The following NUP210 variants were observed in gnomAD, a reference collection of about 807,000 sequenced individuals.
NUP210 encodes nucleoporin 210.
In NUP210, 151 loss-of-function variants were observed where a neutral mutation model predicts 196.0. The ratio of observed to expected loss-of-function variants is 0.77; its 90% CI spans 0.67 to 0.88. NUP210 has a LOEUF of 0.88. Among genes scored for constraint, NUP210 ranks in the 40% least tolerant of loss-of-function variants. The probability of loss-of-function intolerance (pLI) is 0.00; values close to 1 mark genes in which losing one functional copy is unlikely to be tolerated. For missense variants in NUP210, 2,314 were observed against 2,493.7 expected (o/e 0.93, Z 1.53); for synonymous variants, 1,070 against 1,052.7 (o/e 1.02, Z -0.32).
intron 25 of NUP210, among the ~76,000 whole-genome samples, chr3:13,339,113 A>G (rs17038034): frequency 0.069 from 10,432 of 152,162 alleles, 639 homozygotes; most frequent in African/African-American, 0.16. Context: ...TTGTCTTCAT[A>G]ATTGACACAC....
intron 1 of NUP210, among the ~76,000 whole-genome samples, chr3:13,403,754 C>T (rs1699916775): frequency 2.0e-5 from 3 of 152,140 alleles, no homozygotes; most frequent in South Asian, 4.1e-4. Flanking sequence ...GACGACAGAG[C>T]CTGGGGGAGA....
chr3:13,317,617 A>C lies in NUP210; in HGVS notation c.*64T>G. On this transcript the variant is annotated 3_prime_UTR_variant, in exon 40 of 40. Coordinates refer to ENST00000254508, the MANE Select transcript of NUP210 (RefSeq NM_024923.4). ...TTGTTCCAGTGTGAATGCAGCAGGG[A>C]TGTTCCATCTTGGGGGTGCACGAGG... is the stretch of plus-strand genomic sequence containing the variant. 8.4e-7 allele frequency: 1 copy of C among 1,183,628 alleles called. No individual in the cohort carries two copies. Among genetic ancestry groups the C allele is most frequent in the Non-Finnish European group, 1.2e-6 (1 of 814,222 alleles). 73.3% of individuals were successfully genotyped at this position (1,183,628 alleles called of 1,614,324 possible). A position where few individuals can be genotyped will look rare whatever the true frequency, so the allele number is the denominator to read the frequency against.
At chr3:13,386,794 G>A (rs1699292733) in intron 5 of NUP210, among the ~76,000 whole-genome samples, 2 of 152,112 alleles carry the variant, frequency 1.3e-5, no homozygotes, top group African/African-American at 2.4e-5. Context: ...GAAGCCCCAG[G>A]CCAACATAAA....
chr3:13,381,702 T>C (rs1699106410), intron 6 of NUP210, among the ~76,000 whole-genome samples: 1 of 152,120 alleles, frequency 6.6e-6, no homozygotes, highest in South Asian at 2.1e-4. Flanking sequence ...AGAAAGGCGC[T>C]CCTGAGGCCC....
At chr3:13,419,729 G>A (rs1700467209) in intron 1 of NUP210, among the ~76,000 whole-genome samples, 1 of 152,104 alleles carries the variant, frequency 6.6e-6, no homozygotes, top group Non-Finnish European at 1.5e-5. Flanking sequence ...GGTCAGGCCG[G>A]CTCGGGCCCG....
chr3:13,319,087 CAGGGCTGGCTCGAGGCGTG>C lies in NUP210; in HGVS notation c.5529_5547del (p.Thr1844AspfsTer73). ...GGCTACTCACAGTGGGGGCTGTGTC[CAGGGCTGGCTCGAGGCGTG>C]AGGGCTGCAGGCACAGCAAGATCCC... On this transcript the variant is annotated frameshift_variant, in exon 39 of 40. Coordinates refer to ENST00000254508, the MANE Select transcript of NUP210 (RefSeq NM_024923.4). LOFTEE classifies it high-confidence loss of function. 6.2e-7 allele frequency: 1 copy of C among 1,605,772 alleles called. No individual in the cohort carries two copies. Among genetic ancestry groups the C allele is most frequent in the South Asian group, 1.1e-5 (1 of 88,790 alleles).
At position 13,323,074 on chromosome 3, in the gene NUP210, C is replaced by T. The variant is rs994694382; in HGVS notation, c.4768+235G>A. ...CTGAAGTCACATTTCCAGTGCAGAA[C>T]AGGCACCTTCTGGGAGCTGGGCTCC... On this transcript the variant is annotated intron_variant, in intron 34 of 39. Transcript: ENST00000254508. The surrounding 1 kb of genome is among the most constrained non-coding windows in gnomAD (Gnocchi z 4.3). 1.3e-5 allele frequency among the ~76,000 whole-genome samples: 2 copies of T among 152,198 alleles called. No individual in the cohort carries two copies. The highest frequency in any genetic ancestry group is 4.8e-5 in the African/African-American group (2 of 41,444).
At chr3:13,370,556 C>T (rs1249039866) in intron 13 of NUP210, among the ~76,000 whole-genome samples, 2 of 152,162 alleles carry the variant, frequency 1.3e-5, no homozygotes, top group Non-Finnish European at 2.9e-5. Context: ...CCCTCCAGGA[C>T]GGTTGTGGCA....
chr3:13,332,230 A>G, intron 29 of NUP210, 63 bp downstream of exon 29: 1 of 1,318,052 alleles, frequency 7.6e-7, no homozygotes, highest in Non-Finnish European at 1.1e-6. Flanking sequence ...GTGTTGACAC[A>G]TGAGGTGTCG....
chr3:13,389,315 G>C (rs1699402160), intron 4 of NUP210, among the ~76,000 whole-genome samples: 1 of 152,218 alleles, frequency 6.6e-6, no homozygotes, highest in South Asian at 2.1e-4. Flanking sequence ...GTCAGAAGGG[G>C]ACAGGGATTC....
At chr3:13,337,055 G>T in intron 26 of NUP210, 137 bp from the exon 27 acceptor site, 1 of 1,100,802 alleles carries the variant, frequency 9.1e-7, no homozygotes, top group Non-Finnish European at 1.3e-6. Context: ...GCACAGGTTT[G>T]GGAATTTTGA....
rs1244554459 is a variant in NUP210 at position 13,327,454 on chromosome 3, AAGGAGGGCTCTC to A, written c.4287-29_4287-18del. On this transcript the variant is annotated intron_variant, in intron 31 of 39. Transcript: ENST00000254508. ...AAGTCGTCTCTAGGCACAGGAGAGA[AAGGAGGGCTCTC>A]AGTCTCGGGAAAGAAGCTTCCAACT... is the stretch of plus-strand genomic sequence containing the variant. 6.4e-7 allele frequency: 1 copy of A among 1,573,262 alleles called. No homozygotes were observed. Among genetic ancestry groups the A allele is most frequent in the Middle Eastern group, 2.0e-4 (1 of 5,022 alleles).
chr3:13,372,049 T>C lies in NUP210; in HGVS notation c.1588-17A>G, dbSNP rs373687713. The C allele has an allele frequency of 6.5e-7, 1 of 1,544,922 alleles. No individual in the cohort carries two copies. Among genetic ancestry groups the C allele is most frequent in the East Asian group, 2.4e-5 (1 of 42,178 alleles). On this transcript the variant is annotated splice_polypyrimidine_tract_variant and intron_variant, in intron 12 of 39. Transcript: ENST00000254508. ...CACATACACCTGGAAGACAGGGGCA[T>C]GGCCTGGGCTCAGCTGCCTCCACAG...
chr3:13,415,845 C>A (rs780665767), intron 1 of NUP210, among the ~76,000 whole-genome samples: 3 of 152,168 alleles, frequency 2.0e-5, no homozygotes, highest in African/African-American at 2.4e-5. Context: ...CTTGGCTCAG[C>A]GTGCATCCCT....
chr3:13,364,801 C>A (rs903142284), intron 14 of NUP210, among the ~76,000 whole-genome samples: 40 of 152,110 alleles, frequency 2.6e-4, no homozygotes, highest in Non-Finnish European at 3.7e-4. Flanking sequence ...GCACTCCAGC[C>A]TGGGCAACAA....
At chr3:13,394,094 G>A (rs1196524793) in intron 3 of NUP210, among the ~76,000 whole-genome samples, 30 of 152,270 alleles carry the variant, frequency 2.0e-4, no homozygotes, top group South Asian at 6.2e-4. Context: ...GAGGGACATC[G>A]AAGGGAAGAA....
chr3:13,345,576 A>G (rs1023944399), intron 20 of NUP210, among the ~76,000 whole-genome samples: 1 of 152,314 alleles, frequency 6.6e-6, no homozygotes, highest in Non-Finnish European at 1.5e-5. Flanking sequence ...CCCGAGCTGC[A>G]CACACCACCC....
chr3:13,321,453 A>T, intron 36 of NUP210, 132 bp downstream of exon 36: 1 of 987,504 alleles, frequency 1.0e-6, no homozygotes, highest in Non-Finnish European at 1.5e-6. Flanking sequence ...ACTTCAATTT[A>T]AAAATTCTAA....
rs758508773 is a variant in NUP210 at position 13,319,131 on chromosome 3, CG to C, written c.5503del (p.Arg1835GlyfsTer88). The C allele has an allele frequency of 3.7e-6, 6 of 1,609,754 alleles. No individual in the cohort carries two copies. The highest frequency in any genetic ancestry group is 2.5e-6 in the Non-Finnish European group (3 of 1,178,076). On this transcript the variant is annotated frameshift_variant, in exon 39 of 40. Transcript: ENST00000254508. LOFTEE classifies it high-confidence loss of function. ...GAGGGCTGCAGGCACAGCAAGATCC[CG>C]GGGCGTGCAGACAGTGTGGTAGGCT... ...IIAYHTVCTP[R>X]DLAVPAALTP...
Sources: gnomAD v4.1 joint callset for allele counts (sites outside exome capture counted in the v4.1 genomes callset) on GRCh38, gnomAD v4.1.1 for gene constraint, Gnocchi (gnomAD v3.1) non-coding constraint, MANE v1.5 for transcripts, NCBI Gene and HGNC (gene_info 2026-07-23, HGNC 2026-07-21) for gene names.